TXNDC16: variants seen among roughly 807,000 people sequenced by gnomAD.
The protein encoded by TXNDC16 is thioredoxin domain-containing protein 16.
Under a neutral mutation model 85.6 loss-of-function variants are expected in TXNDC16, and 74 were observed. That is an observed-to-expected ratio of 0.86 (90% confidence interval 0.72 to 1.05). TXNDC16 has a LOEUF of 1.05. TXNDC16 is among the 50% of genes least tolerant of loss of function. TXNDC16 has a pLI of 0.00. For missense variants in TXNDC16, 959 were observed against 947.0 expected, an observed-to-expected ratio of 1.01 and a Z score of -0.17; for synonymous variants, 335 against 326.5, an observed-to-expected ratio of 1.03 and a Z score of -0.28.
chr14:52,440,401 C>CATG (rs367925109), intron 19 of TXNDC16, among the ~76,000 whole-genome samples, 163 bp downstream of exon 19: 6 of 152,074 alleles, frequency 3.9e-5, no homozygotes, highest in African/African-American at 1.2e-4. Flanking sequence ...ATAAGGTCAT[C>CATG]TTGGACCTTG....
intron 16 of TXNDC16, among the ~76,000 whole-genome samples, chr14:52,465,801 TA>T (rs1311726225): frequency 1.3e-5 from 2 of 152,106 alleles, no homozygotes; most frequent in Non-Finnish European, 2.9e-5. Context: ...GTGTGATATT[TA>T]AAAAATACTG....
chr14:52,449,836 A>G (rs1219446862), intron 18 of TXNDC16, among the ~76,000 whole-genome samples: 1 of 152,278 alleles, frequency 6.6e-6, no homozygotes, highest in Non-Finnish European at 1.5e-5. Context: ...AAATTAAACA[A>G]TATGCTCCTG....
intron 16 of TXNDC16, among the ~76,000 whole-genome samples, chr14:52,469,720 T>C (rs2035858630): frequency 6.6e-6 from 1 of 152,066 alleles, no homozygotes. Flanking sequence ...TCCAGCTTGG[T>C]GACAGAGCGA....
chr14:52,511,188 G>T (rs1444469976), intron 9 of TXNDC16, 52 bp downstream of exon 9: 4 of 1,367,036 alleles, frequency 2.9e-6, no homozygotes, highest in Non-Finnish European at 3.8e-6. Flanking sequence ...CATACCTTTT[G>T]CAATTATACA....
intron 16 of TXNDC16, among the ~76,000 whole-genome samples, chr14:52,467,776 A>G (rs2035811556): frequency 6.6e-6 from 1 of 152,212 alleles, no homozygotes. Flanking sequence ...AAAGCAGAGT[A>G]CCAGAGAGAT....
At chr14:52,449,640 G>A (rs1163287628) in intron 18 of TXNDC16, among the ~76,000 whole-genome samples, 5 of 152,078 alleles carry the variant, frequency 3.3e-5, no homozygotes, top group Non-Finnish European at 1.5e-5. Context: ...AATGGCTGCA[G>A]ATACACATTC....
intron 8 of TXNDC16, among the ~76,000 whole-genome samples, chr14:52,514,369 AAG>A (rs2037028545): frequency 6.6e-6 from 1 of 152,190 alleles, no homozygotes; most frequent in Admixed American, 6.5e-5. Flanking sequence ...ACAAAAAAGA[AAG>A]AAAACTTTAA....
chr14:52,453,610 T>C (rs535842579), intron 18 of TXNDC16, among the ~76,000 whole-genome samples: 61 of 152,328 alleles, frequency 4.0e-4, no homozygotes, highest in African/African-American at 1.4e-3. Flanking sequence ...CTCACTTATC[T>C]GTGGGAGCTA....
At chr14:52,435,695 T>A (rs1231427090) in intron 20 of TXNDC16, among the ~76,000 whole-genome samples, 2 of 152,078 alleles carry the variant, frequency 1.3e-5, no homozygotes, top group Non-Finnish European at 2.9e-5. Flanking sequence ...GTGCAGTGGC[T>A]CATGCCTGTA....
intron 9 of TXNDC16, among the ~76,000 whole-genome samples, chr14:52,502,589 G>C (rs899997292): frequency 2.6e-5 from 4 of 152,164 alleles, no homozygotes; most frequent in Admixed American, 6.5e-5. Flanking sequence ...AATACTACAG[G>C]GGGGTGGAGC....
intron 14 of TXNDC16, among the ~76,000 whole-genome samples, chr14:52,477,475 A>G (rs2036044767): frequency 6.6e-6 from 1 of 152,192 alleles, no homozygotes; most frequent in African/African-American, 2.4e-5. Context: ...AAAGGGGTGG[A>G]AAAAGACATT....
At chr14:52,528,851 G>A (rs1349202925) in intron 6 of TXNDC16, among the ~76,000 whole-genome samples, 3 of 145,502 alleles carry the variant, frequency 2.1e-5, no homozygotes, top group Non-Finnish European at 3.0e-5. Flanking sequence ...ATATATGTGT[G>A]TGTGTATATA....
chr14:52,480,997 A>G (rs2036138358), intron 14 of TXNDC16, among the ~76,000 whole-genome samples: 1 of 137,318 alleles, frequency 7.3e-6, no homozygotes, highest in Non-Finnish European at 1.6e-5. Flanking sequence ...ATATATATAT[A>G]TATAATGGAA....
At chr14:52,506,187 C>G (rs2140175217) in intron 9 of TXNDC16, among the ~76,000 whole-genome samples, 1 of 152,262 alleles carries the variant, frequency 6.6e-6, no homozygotes, top group Middle Eastern at 3.4e-3. Flanking sequence ...CTATTCCAAT[C>G]AATAGAAAAA....
intron 6 of TXNDC16, among the ~76,000 whole-genome samples, chr14:52,529,931 ATT>A (rs1491506970): frequency 4.3e-4 from 46 of 108,066 alleles, no homozygotes; most frequent in African/African-American, 1.6e-3. Flanking sequence ...CATTATATAT[ATT>A]ATATATATGA....
intron 14 of TXNDC16, among the ~76,000 whole-genome samples, chr14:52,478,448 GA>G (rs1164081486): frequency 6.6e-6 from 1 of 152,078 alleles, no homozygotes. Context: ...ACCAAGAAAA[GA>G]AAAGAGGAAA....
intron 6 of TXNDC16, among the ~76,000 whole-genome samples, chr14:52,525,560 T>C (rs2037310436): frequency 6.7e-6 from 1 of 150,006 alleles, no homozygotes; most frequent in South Asian, 2.1e-4. Flanking sequence ...TAGCCAGGTA[T>C]GGTGGCGCAT....
chr14:52,492,992 A>C (rs2036442740), intron 9 of TXNDC16, among the ~76,000 whole-genome samples: 1 of 152,034 alleles, frequency 6.6e-6, no homozygotes, highest in South Asian at 2.1e-4. Context: ...AGATTAATGA[A>C]AAGGTCAGGC....
intron 9 of TXNDC16, among the ~76,000 whole-genome samples, chr14:52,508,453 T>C (rs932569429): frequency 3.3e-5 from 5 of 152,102 alleles, no homozygotes; most frequent in Non-Finnish European, 7.4e-5. Flanking sequence ...TAGGAACACT[T>C]TTACACTGTT....
Sources: gnomAD v4.1 joint callset for allele counts (sites outside exome capture counted in the v4.1 genomes callset) on GRCh38, gnomAD v4.1.1 for gene constraint, MANE v1.5 for transcripts, NCBI Gene and HGNC (gene_info 2026-07-23, HGNC 2026-07-21) for gene names.